The following IQCM variants were observed in gnomAD, a reference collection of about 807,000 sequenced individuals.
IQCM encodes the protein IQ domain-containing protein M.
IQCM carries 45 observed loss-of-function variants against 57.6 expected under a neutral mutation model. The observed-to-expected ratio is 0.78, with a 90% CI of 0.62 to 1.00. IQCM has a LOEUF of 1.00. IQCM is among the 50% of genes least tolerant of loss of function. The pLI, the probability that IQCM is intolerant of heterozygous loss-of-function variation, is 0.00. For synonymous variants in IQCM, 148 were observed against 158.9 expected, an observed-to-expected ratio of 0.93 and a Z score of 0.51; for missense variants, 468 against 511.6, an observed-to-expected ratio of 0.91 and a Z score of 0.82.
At chr4:149,635,115 A>G (rs1482022081) in intron 7 of IQCM, among the ~76,000 whole-genome samples, 1 of 152,222 alleles carries the variant, frequency 6.6e-6, no homozygotes, top group Non-Finnish European at 1.5e-5. Context: ...TCATGAGGAA[A>G]AGAGATCAGA....
At chr4:149,779,720 A>T (rs892772980) in intron 2 of IQCM, among the ~76,000 whole-genome samples, 12 of 152,188 alleles carry the variant, frequency 7.9e-5, no homozygotes, top group African/African-American at 2.2e-4. Flanking sequence ...GGCAATTGGT[A>T]AAAGGTTCTG....
chr4:149,372,551 A>C (rs535939108), intron 13 of IQCM, among the ~76,000 whole-genome samples: 1 of 152,204 alleles, frequency 6.6e-6, no homozygotes, highest in Admixed American at 6.6e-5. Context: ...TTTAAGAACA[A>C]GTTAAGGTCA....
intron 12 of IQCM, among the ~76,000 whole-genome samples, chr4:149,525,388 A>G (rs1746057918): frequency 6.6e-6 from 1 of 151,944 alleles, no homozygotes; most frequent in Non-Finnish European, 1.5e-5. Context: ...CATAAATGTT[A>G]AACTGGCAAT....
At chr4:149,384,452 C>A (rs1330872693) in intron 13 of IQCM, among the ~76,000 whole-genome samples, 1 of 152,142 alleles carries the variant, frequency 6.6e-6, no homozygotes, top group Non-Finnish European at 1.5e-5. Flanking sequence ...TCACTAGATA[C>A]TACTCTTGTC....
At position 149,629,617 on chromosome 4, in the gene IQCM, T is replaced by C. The variant is rs1199751273; in HGVS notation, c.566-8373A>G. Among the ~76,000 whole-genome samples, 3 of 151,582 alleles carry C rather than the reference T, an allele frequency of 2.0e-5. No homozygotes were observed. The East Asian group carries it at 5.8e-4, about 29-fold the overall frequency. Reference sequence around the variant, plus strand: ...TGTCTTTAGGCAGCAGAATACTAGATGGCTGTCATGATAATGTTCTGTATT... The same window carrying C: ...TGTCTTTAGGCAGCAGAATACTAGACGGCTGTCATGATAATGTTCTGTATT... On this transcript the variant is annotated intron_variant, in intron 7 of 13. Transcript: ENST00000636793.
chr4:149,741,397 G>A (rs1376317350), intron 3 of IQCM, among the ~76,000 whole-genome samples: 1 of 152,162 alleles, frequency 6.6e-6, no homozygotes, highest in Non-Finnish European at 1.5e-5. Context: ...AGGTTACTAA[G>A]GAGATGTAGG....
intron 12 of IQCM, among the ~76,000 whole-genome samples, chr4:149,494,162 C>G (rs1238299878): frequency 6.6e-6 from 1 of 151,898 alleles, no homozygotes; most frequent in Non-Finnish European, 1.5e-5. Context: ...TTAATTAACT[C>G]AGGCACAGCA....
chr4:149,520,498 A>C (rs578086663), intron 12 of IQCM, among the ~76,000 whole-genome samples: 10 of 152,276 alleles, frequency 6.6e-5, no homozygotes, highest in African/African-American at 2.4e-4. Flanking sequence ...TATCAACAAC[A>C]CAATACTGCC....
chr4:149,813,312 A>T (rs1774759758), intron 2 of IQCM, among the ~76,000 whole-genome samples: 1 of 152,086 alleles, frequency 6.6e-6, no homozygotes, highest in Non-Finnish European at 1.5e-5. Flanking sequence ...GGGTAATATA[A>T]AATATTGAAC....
intron 12 of IQCM, among the ~76,000 whole-genome samples, chr4:149,449,004 GGC>G (rs1736799682): frequency 6.6e-6 from 1 of 151,268 alleles, no homozygotes; most frequent in Non-Finnish European, 1.5e-5. Flanking sequence ...ATAAAAACAA[GGC>G]AAATATATTC....
At chr4:149,569,525 C>CAT in intron 9 of IQCM, among the ~76,000 whole-genome samples, 1 of 152,250 alleles carries the variant, frequency 6.6e-6, no homozygotes, top group East Asian at 1.9e-4. Flanking sequence ...TTTTGCTAAA[C>CAT]ATATATTATA....
In IQCM at chr4:149,414,794, T is replaced by G. The variant is rs191951325; in HGVS notation, c.1390+18602A>C. Among the ~76,000 whole-genome samples, 312 of 152,166 alleles carry G rather than the reference T, an allele frequency of 2.1e-3. 4 individuals carry two copies. Among genetic ancestry groups the G allele is most frequent in the African/African-American group, 7.2e-3 (301 of 41,562 alleles). On this transcript the variant is annotated intron_variant, in intron 13 of 13. Coordinates refer to ENST00000636793, the MANE Select transcript of IQCM (RefSeq NM_001363507.2). ...TTTAAGAATTTTATTCTCACACTGA[T>G]AGAATAATCGGAAGTCTCAAATATA...
At chr4:149,483,146 T>G (rs1741097301) in intron 12 of IQCM, among the ~76,000 whole-genome samples, 1 of 151,852 alleles carries the variant, frequency 6.6e-6, no homozygotes, top group Admixed American at 6.6e-5. Flanking sequence ...TATTAATATT[T>G]ATTTGCATCT....
intron 9 of IQCM, among the ~76,000 whole-genome samples, chr4:149,570,777 G>A (rs1431309445): frequency 1.3e-5 from 2 of 151,936 alleles, no homozygotes; most frequent in Non-Finnish European, 2.9e-5. Context: ...TAATGAAACT[G>A]ACTCAGTAAA....
chr4:149,520,861 G>C (rs1429250822), intron 12 of IQCM, among the ~76,000 whole-genome samples: 2 of 152,024 alleles, frequency 1.3e-5, no homozygotes, highest in Non-Finnish European at 2.9e-5. Flanking sequence ...CTACTTTGCA[G>C]GGACACTGTT....
At chr4:149,517,715 T>A (rs1019152749) in intron 12 of IQCM, among the ~76,000 whole-genome samples, 6 of 152,188 alleles carry the variant, frequency 3.9e-5, no homozygotes, top group South Asian at 4.1e-4. Context: ...GGGCACCATC[T>A]AATTAGCTGT....
At chr4:149,689,328 A>G (rs978909715) in intron 5 of IQCM, among the ~76,000 whole-genome samples, 2 of 152,076 alleles carry the variant, frequency 1.3e-5, no homozygotes, top group African/African-American at 4.8e-5. Context: ...CAAACACTGC[A>G]TGTTCTCACT....
At position 149,478,248 on chromosome 4, in the gene IQCM, G is replaced by A. The variant is rs534749184; in HGVS notation, c.1229-44691C>T. On this transcript the variant is annotated intron_variant, in intron 12 of 13. Transcript: ENST00000636793. The stretch of plus-strand genomic sequence containing the variant: ...TGAGCAAGAGTTTAACAGTCTTTGC[G>A]AGGAGATGGGCATCAAGTCTAGTGA... Among the ~76,000 whole-genome samples the A allele has an allele frequency of 2.2e-4, 33 of 152,248 alleles. No individual in the cohort carries two copies. In the South Asian group the frequency reaches 3.1e-3, roughly 14 times the overall value.
chr4:149,745,443 T>C (rs1333476062), intron 2 of IQCM, among the ~76,000 whole-genome samples: 3 of 152,198 alleles, frequency 2.0e-5, no homozygotes, highest in African/African-American at 7.2e-5. Context: ...TCAGTAATTA[T>C]GGCAACAGCA....
Sources: allele counts gnomAD v4.1 joint callset (sites outside exome capture counted in the v4.1 genomes callset), GRCh38; gene constraint gnomAD v4.1.1; transcripts MANE v1.5; gene names NCBI Gene and HGNC (gene_info 2026-07-23, HGNC 2026-07-21).